The following AGXT2 variants were observed in gnomAD, a reference collection of about 807,000 sequenced individuals.
The protein encoded by AGXT2 is alanine--glyoxylate aminotransferase 2, mitochondrial.
A neutral mutation model predicts 62.5 loss-of-function variants in AGXT2; 61 were observed. That is an observed-to-expected ratio of 0.98 (90% CI 0.79 to 1.21). AGXT2 has a LOEUF of 1.21. AGXT2 is among the 50% of genes most tolerant of loss of function. AGXT2 has a pLI of 0.00. For missense variants in AGXT2, 666 were observed against 641.5 expected (o/e 1.04, Z -0.41); for synonymous variants, 243 against 218.7 (o/e 1.11, Z -0.98).
intron 12 of AGXT2, among the ~76,000 whole-genome samples, chr5:35,005,355 A>G (rs1330420310): frequency 2.0e-5 from 3 of 151,920 alleles, no homozygotes; most frequent in African/African-American, 7.3e-5. Flanking sequence ...CAGCCTCCCC[A>G]CTAGCTGGGA....
rs149925297 is a variant in AGXT2, at chr5:35,045,517, G to A, written c.88+2288C>T. Among the ~76,000 whole-genome samples the A allele has an allele frequency of 5.7e-4, 86 of 152,212 alleles. No homozygotes were observed. The East Asian group carries it at 0.012, about 22-fold the overall frequency. On this transcript the variant is annotated intron_variant, in intron 1 of 13. Coordinates refer to ENST00000231420, the MANE Select transcript of AGXT2 (RefSeq NM_031900.4). ...CAGGAGCTTTTTCTTGCTTATTGTG[G>A]CTAAGTCTGCAGCACTGGTGCATAA...
chr5:35,026,563 G>A lies in AGXT2; in HGVS notation c.770-53C>T, dbSNP rs543978132. 22 of 1,483,694 alleles carry A rather than the reference G, an allele frequency of 1.5e-5. No homozygotes were observed. The African/African-American group carries it at 2.9e-4, about 20-fold the overall frequency. The allele number at this position is 1,483,694 out of a possible 1,614,324, so 91.9% of individuals were successfully genotyped here. ...CAAACCACAGCATTTGAAAATGTGA[G>A]CCTGATATTTAGAAACATGGGGAAA... On this transcript the variant is annotated intron_variant, in intron 7 of 13. Transcript: ENST00000231420.
chr5:35,028,371 TA>T (rs376932314), intron 7 of AGXT2, among the ~76,000 whole-genome samples: 46 of 152,232 alleles, frequency 3.0e-4, no homozygotes, highest in Middle Eastern at 3.4e-3. Flanking sequence ...TTAAAGATAC[TA>T]GAAACATTTC....
chr5:35,012,729 G>C (rs547827883), intron 11 of AGXT2: 5 of 544,750 alleles, frequency 9.2e-6, no homozygotes, highest in Non-Finnish European at 1.7e-5. Context: ...CCATGTATGT[G>C]AGGTTTATTA....
rs187831640 is a variant in AGXT2, at chr5:35,030,353, C to T, written c.769+2379G>A. On this transcript the variant is annotated intron_variant, in intron 7 of 13. Coordinates refer to ENST00000231420, the MANE Select transcript of AGXT2 (RefSeq NM_031900.4). Reference sequence around the variant, plus strand: ...TGAAACCCGGTCTCTACTAAAAATACAAAAATTAGCTGGGCGTGGTGGCAG... The same window carrying T: ...TGAAACCCGGTCTCTACTAAAAATATAAAAATTAGCTGGGCGTGGTGGCAG... Among the ~76,000 whole-genome samples the T allele has an allele frequency of 2.8e-3, 426 of 152,174 alleles. 2 individuals are homozygous for T. Among genetic ancestry groups the T allele is most frequent in the African/African-American group, 9.8e-3 (408 of 41,508 alleles).
intron 6 of AGXT2, 179 bp downstream of exon 6, chr5:35,033,281 C>A: frequency 1.6e-6 from 1 of 623,988 alleles, no homozygotes; most frequent in Non-Finnish European, 2.9e-6. Flanking sequence ...ATTACTCAGA[C>A]TCGGAAGGCC....
At chr5:35,043,205 T>G (rs1171191123) in intron 1 of AGXT2, among the ~76,000 whole-genome samples, 1 of 152,194 alleles carries the variant, frequency 6.6e-6, no homozygotes, top group Non-Finnish European at 1.5e-5. Context: ...ATTTGGAAAC[T>G]CTAGGGAAAA....
intron 7 of AGXT2, 25 bp downstream of exon 7, chr5:35,032,707 T>C: frequency 6.3e-7 from 1 of 1,580,392 alleles, no homozygotes; most frequent in Non-Finnish European, 8.6e-7. Context: ...AACACTCCAC[T>C]GGCACCCCCC....
rs563641691 is a variant in AGXT2, at chr5:35,008,401, C to T, written c.1338+1599G>A. Among the ~76,000 whole-genome samples the T allele has an allele frequency of 3.3e-5, 5 of 152,220 alleles. No individual in the cohort carries two copies. In the South Asian group the frequency reaches 8.3e-4, roughly 25 times the overall value. On this transcript the variant is annotated intron_variant, in intron 12 of 13. Transcript: ENST00000231420. ...GAACAGAGAAAAAGGAAGAACTCCTCCTCTCTCATTGGGCTTTCCTCTCTC... is the reference window on the plus strand; with the variant it reads ...GAACAGAGAAAAAGGAAGAACTCCTTCTCTCTCATTGGGCTTTCCTCTCTC...
intron 10 of AGXT2, among the ~76,000 whole-genome samples, chr5:35,013,771 A>C (rs1394915868): frequency 2.2e-5 from 3 of 138,894 alleles, no homozygotes; most frequent in Middle Eastern, 3.6e-3. Flanking sequence ...TGACAGAGCA[A>C]GACTCTGTCT....
At chr5:35,040,870 G>T (rs1767958807) in intron 1 of AGXT2, among the ~76,000 whole-genome samples, 1 of 147,286 alleles carries the variant, frequency 6.8e-6, no homozygotes, top group Non-Finnish European at 1.5e-5. Context: ...CTCAAATATA[G>T]TCTGGAAAAA....
chr5:35,031,397 C>G (rs930004356), intron 7 of AGXT2, among the ~76,000 whole-genome samples: 1 of 152,108 alleles, frequency 6.6e-6, no homozygotes, highest in South Asian at 2.1e-4. Flanking sequence ...AATTTTAAGA[C>G]GATGGTGAAT....
rs1174085908 is a variant in AGXT2, at chr5:35,014,093, G to A, written c.990C>T (p.Gly330=). 1.2e-6 allele frequency: 2 copies of A among 1,614,002 alleles called. No individual in the cohort carries two copies. The highest frequency in any genetic ancestry group is 1.7e-6 in the Non-Finnish European group (2 of 1,180,022). Residue 330 remains glycine, a synonymous_variant, in exon 10 of 14, where the codon GGC becomes GGT. Transcript: ENST00000231420. ...GGGTTTGGAAGCCCCAGAAGTGAGAGCCCAACCTTCCAAATCCTGTCTGCA... is the reference window on the plus strand; with the variant it reads ...GGGTTTGGAAGCCCCAGAAGTGAGAACCCAACCTTCCAAATCCTGTCTGCA... ...DEVQTGFGRL[G]SHFWGFQTHD... is the part of the protein sequence containing the mutation.
intron 12 of AGXT2, among the ~76,000 whole-genome samples, chr5:35,004,881 C>G (rs1766365909): frequency 6.6e-6 from 1 of 152,142 alleles, no homozygotes; most frequent in Non-Finnish European, 1.5e-5. Context: ...TCCTCCATTT[C>G]TTGTAAGGTG....
At chr5:35,044,733 A>G (rs1768122473) in intron 1 of AGXT2, among the ~76,000 whole-genome samples, 1 of 152,090 alleles carries the variant, frequency 6.6e-6, no homozygotes, top group Non-Finnish European at 1.5e-5. Flanking sequence ...TCCACAAGCA[A>G]GAGCACTCCT....
At chr5:35,031,404 GA>G (rs887701451) in intron 7 of AGXT2, among the ~76,000 whole-genome samples, 2 of 152,152 alleles carry the variant, frequency 1.3e-5, no homozygotes, top group Non-Finnish European at 2.9e-5. Context: ...AGACGATGGT[GA>G]ATTTTTTTCC....
At chr5:35,040,510 A>C in intron 2 of AGXT2, 65 bp downstream of exon 2, 1 of 1,449,578 alleles carries the variant, frequency 6.9e-7, no homozygotes, top group Non-Finnish European at 9.7e-7. Context: ...TCTTAAGGAA[A>C]CAATCATTTG....
intron 1 of AGXT2, among the ~76,000 whole-genome samples, chr5:35,043,555 C>T (rs1768065949): frequency 6.6e-6 from 1 of 151,982 alleles, no homozygotes; most frequent in South Asian, 2.1e-4. Context: ...TTTTTTGAGA[C>T]AGGATCTCCT....
At chr5:35,002,570 C>T (rs1335356373) in intron 13 of AGXT2, among the ~76,000 whole-genome samples, 1 of 152,182 alleles carries the variant, frequency 6.6e-6, no homozygotes, top group Admixed American at 6.6e-5. Flanking sequence ...CTCAGGAGGG[C>T]AAAGCCCATG....
Sources: gnomAD v4.1 joint callset for allele counts (sites outside exome capture counted in the v4.1 genomes callset) on GRCh38, gnomAD v4.1.1 for gene constraint, MANE v1.5 for transcripts, NCBI Gene and HGNC (gene_info 2026-07-23, HGNC 2026-07-21) for gene names.